Variants in COL22A1 observed in about 807,000 individuals in gnomAD.
COL22A1 encodes the protein collagen alpha-1(XXII) chain.
In COL22A1, 221 loss-of-function variants were observed where a neutral mutation model predicts 248.9. That is an observed-to-expected ratio of 0.89 (90% CI 0.80 to 0.99). COL22A1 has a LOEUF of 0.99. Ranked by LOEUF, COL22A1 falls within the 50% of genes least tolerant of loss-of-function variation. The probability of loss-of-function intolerance (pLI) is 0.00; values close to 1 mark genes in which losing one functional copy is unlikely to be tolerated. For synonymous variants in COL22A1, 891 were observed against 793.4 expected (o/e 1.12, Z -2.07); for missense variants, 2,240 against 2,179.0 (o/e 1.03, Z -0.56).
chr8:138,602,654 C>T (rs545552066), intron 59 of COL22A1, among the ~76,000 whole-genome samples: 314 of 152,316 alleles, frequency 2.1e-3, no homozygotes, highest in African/African-American at 5.8e-3. Context: ...GGAAGCCCCC[C>T]GATCACCCAA....
At chr8:138,667,726 A>T (rs1452636373) in intron 41 of COL22A1, among the ~76,000 whole-genome samples, 4 of 152,250 alleles carry the variant, frequency 2.6e-5, no homozygotes, top group Non-Finnish European at 5.9e-5. Context: ...AAGAATGAAT[A>T]GAACTAGAAC....
intron 2 of COL22A1, among the ~76,000 whole-genome samples, chr8:138,880,143 C>G (rs1824081705): frequency 6.6e-6 from 1 of 152,184 alleles, no homozygotes. Context: ...AGATAATACA[C>G]AATCACCTAT....
At chr8:138,673,590 G>A (rs925667922) in intron 41 of COL22A1, among the ~76,000 whole-genome samples, 4 of 152,146 alleles carry the variant, frequency 2.6e-5, no homozygotes, top group Non-Finnish European at 4.4e-5. Flanking sequence ...TGCCCATCCT[G>A]CCGAAGCCAC....
At chr8:138,755,010 C>A in intron 21 of COL22A1, 147 bp downstream of exon 21, 1 of 767,134 alleles carries the variant, frequency 1.3e-6, no homozygotes, top group Non-Finnish European at 2.2e-6. Flanking sequence ...CTACGTGAGA[C>A]GTGACCACAA....
chr8:138,912,620 A>T (rs1395247659), intron 1 of COL22A1, among the ~76,000 whole-genome samples: 2 of 152,140 alleles, frequency 1.3e-5, no homozygotes, highest in Non-Finnish European at 2.9e-5. Context: ...CATGCCTGTA[A>T]TCCTAGCTAC....
Position 138,605,687 on chromosome 8 carries a change from G to A in COL22A1, c.4104+694C>T, listed in dbSNP as rs78799413. Among the ~76,000 whole-genome samples, 1,136 of 152,276 alleles carry A rather than the reference G, an allele frequency of 7.5e-3. 9 individuals are homozygous for A. Among genetic ancestry groups the A allele is most frequent in the African/African-American group, 0.026 (1,061 of 41,548 alleles). On this transcript the variant is annotated intron_variant, in intron 58 of 64. Transcript: ENST00000303045. ...CATGCAAGCCTCATTCATCAGGTCAGCAGTCCAGGGAGTGGACTGCAATAT... is the reference window on the plus strand; with the variant it reads ...CATGCAAGCCTCATTCATCAGGTCAACAGTCCAGGGAGTGGACTGCAATAT...
chr8:138,823,585 T>C (rs994280874), intron 6 of COL22A1, among the ~76,000 whole-genome samples: 1 of 152,160 alleles, frequency 6.6e-6, no homozygotes, highest in Non-Finnish European at 1.5e-5. Context: ...TTTGTATTTT[T>C]AGTAGAGATG....
intron 22 of COL22A1, among the ~76,000 whole-genome samples, chr8:138,749,836 G>A (rs554995746): frequency 6.6e-6 from 1 of 152,208 alleles, no homozygotes; most frequent in South Asian, 2.1e-4. Flanking sequence ...TTGACTGACA[G>A]GGAAACTGAG....
intron 22 of COL22A1, among the ~76,000 whole-genome samples, chr8:138,750,247 A>G (rs1489484864): frequency 2.0e-5 from 3 of 152,176 alleles, no homozygotes; most frequent in Admixed American, 6.5e-5. Context: ...GCAGCGTGAG[A>G]ACAGACTAAT....
chr8:138,864,790 T>C (rs1341587464), intron 3 of COL22A1, among the ~76,000 whole-genome samples: 1 of 152,136 alleles, frequency 6.6e-6, no homozygotes, highest in Non-Finnish European at 1.5e-5. Flanking sequence ...ACAGTCCTTC[T>C]CAGCTAGGGG....
chr8:138,793,032 T>C (rs758706615), intron 12 of COL22A1, among the ~76,000 whole-genome samples: 2 of 152,204 alleles, frequency 1.3e-5, no homozygotes, highest in Non-Finnish European at 2.9e-5. Context: ...GAAATACCCT[T>C]AGCAGGATGC....
At chr8:138,908,752 G>A (rs925930021) in intron 1 of COL22A1, among the ~76,000 whole-genome samples, 19 of 152,244 alleles carry the variant, frequency 1.2e-4, no homozygotes, top group Admixed American at 7.2e-4. Flanking sequence ...TATTATTTTT[G>A]CTTTTACGGA....
intron 22 of COL22A1, among the ~76,000 whole-genome samples, chr8:138,749,410 C>G (rs577071569): frequency 1.3e-5 from 2 of 152,334 alleles, no homozygotes; most frequent in East Asian, 3.9e-4. Context: ...TCATCTAACT[C>G]TACTTTGGAA....
chr8:138,821,654 T>G (rs921150985), intron 6 of COL22A1, among the ~76,000 whole-genome samples: 1 of 152,096 alleles, frequency 6.6e-6, no homozygotes, highest in African/African-American at 2.4e-5. Flanking sequence ...AAACCCAGTA[T>G]TAAAAGGAAT....
At position 138,751,481 on chromosome 8, in the gene COL22A1, G is replaced by T. The variant is rs780194887; in HGVS notation, c.2062C>A (p.Pro688Thr). The T allele has an allele frequency of 6.2e-6, 10 of 1,612,602 alleles. No homozygotes were observed. In the East Asian group the frequency reaches 2.2e-4, roughly 36 times the overall value. The change falls in exon 22 of 65, where the codon CCT (proline) becomes ACT (threonine). Residue 688 changes from proline (P) to threonine (T), a missense_variant. Physicochemically the swap from Pro to Thr is conservative, Grantham distance 38 (BLOSUM62 -1). Coordinates refer to ENST00000303045, the MANE Select transcript of COL22A1 (RefSeq NM_152888.3). ...ACTCGGAGACCTTGCAAACCAGGAG[G>T]TCCATCCCTGCCTTCTGGGCCTATT... ...GPIGPEGRDG[P>T]PGLQGLRGKK...
intron 1 of COL22A1, among the ~76,000 whole-genome samples, chr8:138,885,493 G>A (rs923012502): frequency 6.6e-6 from 1 of 152,104 alleles, no homozygotes; most frequent in Non-Finnish European, 1.5e-5. Context: ...GTCCCTGGAG[G>A]GTTAAGTCTA....
rs773763087 is a variant in COL22A1 at position 138,660,422 on chromosome 8, A to G, written c.3285+14T>C. The G allele has an allele frequency of 1.2e-6, 2 of 1,610,248 alleles. No individual in the cohort carries two copies. Among genetic ancestry groups the G allele is most frequent in the South Asian group, 1.1e-5 (1 of 91,016 alleles). ...TGATAGTCAATATTCATCCAGAACC[A>G]TAAGATGACATACCGGCTTGCCAGG... On this transcript the variant is annotated intron_variant, in intron 44 of 64. Transcript: ENST00000303045.
intron 21 of COL22A1, 103 bp from the exon 22 acceptor site, chr8:138,751,614 T>C (rs927626954): frequency 5.3e-5 from 38 of 710,800 alleles, no homozygotes; most frequent in Non-Finnish European, 7.1e-5. Flanking sequence ...TTGAATAGTG[T>C]AATACCATCC....
At chr8:138,744,892 G>GTA (rs995637910) in intron 22 of COL22A1, among the ~76,000 whole-genome samples, 1 of 152,186 alleles carries the variant, frequency 6.6e-6, no homozygotes, top group African/African-American at 2.4e-5. Flanking sequence ...TGCCGTCTTT[G>GTA]TAAGAGGGGA....
Sources: gnomAD v4.1 joint callset for allele counts (sites outside exome capture counted in the v4.1 genomes callset) on GRCh38, gnomAD v4.1.1 for gene constraint, MANE v1.5 for transcripts, NCBI Gene and HGNC (gene_info 2026-07-23, HGNC 2026-07-21) for gene names.